The following PPP1R12B variants were observed in gnomAD, a reference collection of about 807,000 sequenced individuals.
PPP1R12B encodes the protein myosin phosphatase target subunit 2.
In PPP1R12B, 76 loss-of-function variants were observed where a neutral mutation model predicts 126.1. That is an observed-to-expected ratio of 0.60 (90% confidence interval 0.50 to 0.73). PPP1R12B has a LOEUF of 0.73. Among genes scored for constraint, PPP1R12B ranks in the 30% least tolerant of loss-of-function variants. PPP1R12B has a pLI of 0.00. For missense variants in PPP1R12B, 1,052 were observed against 1,205.1 expected (o/e 0.87, Z 1.88); for synonymous variants, 356 against 434.7 (o/e 0.82, Z 2.25).
At position 202,419,515 on chromosome 1, in the gene PPP1R12B, T is replaced by C. The variant is rs956900205; in HGVS notation, c.422+2598T>C. On this transcript the variant is annotated intron_variant, in intron 2 of 23. Transcript: ENST00000608999. This position sits in a 1 kb window ranked among gnomAD's most constrained non-coding sequence, Gnocchi z 4.6. ...CTAAAGAGGTTTTTAACTTTTTTTT[T>C]TCCTAGAACTGGAGAAAATGGAAAA... 3.9e-5 allele frequency among the ~76,000 whole-genome samples: 6 copies of C among 152,148 alleles called. No homozygotes were observed. Among genetic ancestry groups the C allele is most frequent in the Non-Finnish European group, 5.9e-5 (4 of 68,012 alleles).
At chr1:202,367,256 G>A (rs1210986462) in intron 1 of PPP1R12B, among the ~76,000 whole-genome samples, 1 of 152,170 alleles carries the variant, frequency 6.6e-6, no homozygotes, top group East Asian at 1.9e-4. Context: ...AGTTAGTAAA[G>A]CAAAGTGGTT....
At chr1:202,450,491 G>A (rs906853763) in intron 13 of PPP1R12B, among the ~76,000 whole-genome samples, 60 of 152,272 alleles carry the variant, frequency 3.9e-4, no homozygotes, top group African/African-American at 1.4e-3. Flanking sequence ...TAAAGACTAA[G>A]GCTATAATTA....
intron 1 of PPP1R12B, among the ~76,000 whole-genome samples, chr1:202,356,649 G>A (rs2148389066): frequency 6.6e-6 from 1 of 152,226 alleles, no homozygotes; most frequent in South Asian, 2.1e-4. Context: ...GAGATGTGAT[G>A]AAGGAAGCAA....
At chr1:202,350,359 T>C (rs887261012) in intron 1 of PPP1R12B, among the ~76,000 whole-genome samples, 3 of 152,162 alleles carry the variant, frequency 2.0e-5, no homozygotes, top group African/African-American at 7.2e-5. Context: ...AGTGATCCTT[T>C]GAAGTAGGTG....
intron 1 of PPP1R12B, among the ~76,000 whole-genome samples, chr1:202,385,643 A>G (rs1662991848): frequency 6.6e-6 from 1 of 152,156 alleles, no homozygotes; most frequent in Admixed American, 6.5e-5. Flanking sequence ...CAACCCTCTC[A>G]TTTTTACAGA....
chr1:202,464,531 T>G (rs34334923), intron 13 of PPP1R12B, among the ~76,000 whole-genome samples: 1 of 152,148 alleles, frequency 6.6e-6, no homozygotes, highest in Non-Finnish European at 1.5e-5. Flanking sequence ...CTTTGTGCAC[T>G]TTCACCCTGG....
intron 23 of PPP1R12B, chr1:202,577,386 G>A (rs958173603): frequency 2.0e-5 from 3 of 152,168 alleles, no homozygotes; most frequent in Non-Finnish European, 4.4e-5. Context: ...TTATTGTTAT[G>A]TCTATGGGTG....
intron 18 of PPP1R12B, among the ~76,000 whole-genome samples, chr1:202,557,545 TAATGATTCCCCCACCTCA>T (rs1687081111): frequency 6.6e-6 from 1 of 152,188 alleles, no homozygotes. Context: ...TAATGAGTCC[TAATGATTCCCCCACCTCA>T]AATGGGGGCA....
chr1:202,351,907 T>C lies in PPP1R12B; in HGVS notation c.291+2765T>C, dbSNP rs527489640. Among the ~76,000 whole-genome samples, 4 of 152,310 alleles carry C rather than the reference T, an allele frequency of 2.6e-5. No homozygotes were observed. In the South Asian group the frequency reaches 8.3e-4, roughly 32 times the overall value. ...GCTTCTTTTGGACTTAGAGACCTTC[T>C]TTCTTGGCAGCCTTTGCTGAGACCA... On this transcript the variant is annotated intron_variant, in intron 1 of 23. Coordinates refer to ENST00000608999, the MANE Select transcript of PPP1R12B (RefSeq NM_002481.4).
intron 1 of PPP1R12B, among the ~76,000 whole-genome samples, chr1:202,389,590 G>A (rs1442219358): frequency 6.6e-6 from 1 of 151,574 alleles, no homozygotes; most frequent in African/African-American, 2.4e-5. Context: ...GCAGTGAGCC[G>A]AGATTGTGCC....
At chr1:202,370,296 T>G (rs889380755) in intron 1 of PPP1R12B, among the ~76,000 whole-genome samples, 14 of 152,198 alleles carry the variant, frequency 9.2e-5, no homozygotes, top group Admixed American at 6.5e-4. Flanking sequence ...TTTTTGAGAT[T>G]TATTCATTTT....
intron 14 of PPP1R12B, among the ~76,000 whole-genome samples, chr1:202,489,000 G>A (rs577957262): frequency 2.0e-5 from 3 of 152,200 alleles, no homozygotes; most frequent in African/African-American, 4.8e-5. Context: ...CCAAGATTGC[G>A]CCACTGCCCT....
chr1:202,349,588 T>C (rs1324262031), intron 1 of PPP1R12B, among the ~76,000 whole-genome samples: 4 of 152,130 alleles, frequency 2.6e-5, no homozygotes, highest in Non-Finnish European at 4.4e-5. Context: ...GTAAAGCCCT[T>C]TACTGGGTAA....
intron 18 of PPP1R12B, among the ~76,000 whole-genome samples, chr1:202,556,181 C>T (rs1299447768): frequency 6.6e-6 from 1 of 152,064 alleles, no homozygotes; most frequent in East Asian, 1.9e-4. Context: ...TGGCCTAATA[C>T]GATATTCTTA....
chr1:202,356,820 A>G (rs2148389682), intron 1 of PPP1R12B, among the ~76,000 whole-genome samples: 1 of 148,440 alleles, frequency 6.7e-6, no homozygotes, highest in Admixed American at 6.7e-5. Flanking sequence ...CTGATTTCAG[A>G]CTTTTTTTTT....
intron 1 of PPP1R12B, among the ~76,000 whole-genome samples, chr1:202,377,277 C>T (rs532310818): frequency 1.3e-5 from 2 of 151,202 alleles, no homozygotes; most frequent in Admixed American, 1.3e-4. Context: ...ATTAAATAAA[C>T]GGGTTGAATA....
intron 3 of PPP1R12B, among the ~76,000 whole-genome samples, chr1:202,423,574 C>T (rs1219765993): frequency 6.6e-6 from 1 of 152,080 alleles, no homozygotes; most frequent in African/African-American, 2.4e-5. Flanking sequence ...ACATATTGGC[C>T]CTTTGGAGAA....
At position 202,586,233 on chromosome 1, in the gene PPP1R12B, C is replaced by G. The variant is rs1441495621; in HGVS notation, c.*5673C>G. The G allele has an allele frequency of 6.6e-6, 1 of 152,266 alleles. No homozygotes were observed. Among genetic ancestry groups the G allele is most frequent in the African/African-American group, 2.4e-5 (1 of 41,438 alleles). The allele number at this position is 152,266 out of a possible 1,614,324, so 9.4% of individuals were successfully genotyped here. ...TGCATAGAACAGCACTTGGCTTTCA[C>G]AAGCCTCCTACAGGACCTGGTGTAA... On this transcript the variant is annotated 3_prime_UTR_variant, in exon 24 of 24. Coordinates refer to ENST00000608999, the MANE Select transcript of PPP1R12B (RefSeq NM_002481.4).
chr1:202,560,950 C>T (rs868126145), intron 19 of PPP1R12B, among the ~76,000 whole-genome samples: 4 of 151,976 alleles, frequency 2.6e-5, no homozygotes, highest in South Asian at 4.1e-4. Context: ...CAGCATGTCA[C>T]ATGTATACAT....
Sources: gnomAD v4.1 joint callset for allele counts (sites outside exome capture counted in the v4.1 genomes callset) on GRCh38, gnomAD v4.1.1 for gene constraint, Gnocchi (gnomAD v3.1) non-coding constraint, MANE v1.5 for transcripts, NCBI Gene and HGNC (gene_info 2026-07-23, HGNC 2026-07-21) for gene names.